The following SPRED2 variants were observed in gnomAD, a reference collection of about 807,000 sequenced individuals.
The protein encoded by SPRED2 is sprouty related EVH1 domain containing 2, also known as sprouty-related, EVH1 domain-containing protein 2.
In SPRED2, 47 loss-of-function variants were observed where a neutral mutation model predicts 43.0. That is an observed-to-expected ratio of 1.09 (90% CI 0.87 to 1.40). The LOEUF (loss-of-function observed/expected upper bound fraction) is 1.40. SPRED2 is among the 40% of genes most tolerant of loss of function. SPRED2 has a pLI of 0.00. For missense variants in SPRED2, 561 were observed against 586.4 expected, an observed-to-expected ratio of 0.96 and a Z score of 0.45; for synonymous variants, 225 against 225.7, an observed-to-expected ratio of 1.00 and a Z score of 0.03.
chr2:65,358,054 A>G lies in SPRED2; in HGVS notation c.27-13158T>C, dbSNP rs1674707745. ...CAAACTTAAGCCACTAAAATACCCT[A>G]CAAAAGCAGATCAGAAAACTTTCAG... On this transcript the variant is annotated intron_variant, in intron 1 of 5. Transcript: ENST00000356388. 2.7e-5 allele frequency among the ~76,000 whole-genome samples: 4 copies of G among 150,702 alleles called. No homozygotes were observed. The East Asian group carries it at 7.7e-4, about 29-fold the overall frequency.
intron 1 of SPRED2, among the ~76,000 whole-genome samples, chr2:65,348,676 C>T (rs867429995): frequency 5.9e-5 from 9 of 151,398 alleles, no homozygotes; most frequent in Non-Finnish European, 1.2e-4. Context: ...TGATGGTGGG[C>T]GCCTGTAATC....
At chr2:65,339,059 C>T (rs1463691901) in intron 2 of SPRED2, among the ~76,000 whole-genome samples, 23 of 132,230 alleles carry the variant, frequency 1.7e-4, no homozygotes, top group South Asian at 4.8e-4. Flanking sequence ...GGGGGCTCAG[C>T]CCCCCGCCGG....
intron 1 of SPRED2, among the ~76,000 whole-genome samples, chr2:65,405,915 A>C (rs1439780335): frequency 6.6e-6 from 1 of 151,908 alleles, no homozygotes; most frequent in Non-Finnish European, 1.5e-5. Flanking sequence ...GCACTCCATA[A>C]TTCAAACCTA....
At chr2:65,380,249 C>T (rs181621514) in intron 1 of SPRED2, among the ~76,000 whole-genome samples, 5 of 152,286 alleles carry the variant, frequency 3.3e-5, no homozygotes, top group Admixed American at 6.5e-5. Context: ...AAGACAAGGT[C>T]GACTCAGGTG....
chr2:65,318,740 C>T (rs1018451482), intron 4 of SPRED2, among the ~76,000 whole-genome samples: 1 of 151,504 alleles, frequency 6.6e-6, no homozygotes, highest in African/African-American at 2.4e-5. Context: ...GGCATGAACA[C>T]AGCTCAAGTG....
chr2:65,432,259 AG>A lies in SPRED2; in HGVS notation c.-273del. The A allele has an allele frequency of 2.5e-6, 1 of 407,770 alleles. No individual in the cohort carries two copies. The highest frequency in any genetic ancestry group is 4.4e-6 in the Non-Finnish European group (1 of 225,050). 25.3% of individuals were successfully genotyped at this position (407,770 alleles called of 1,614,324 possible). A position where few individuals can be genotyped will look rare whatever the true frequency, so the allele number is the denominator to read the frequency against. Reference sequence around the variant, plus strand: ...GCTCCGGGGGCTCGGGAGCGGGCAGAGGGGGCGAGATTTGGGAAGGGGACGG... The same window carrying A: ...GCTCCGGGGGCTCGGGAGCGGGCAGAGGGGCGAGATTTGGGAAGGGGACGG... On this transcript the variant is annotated 5_prime_UTR_variant, in exon 1 of 6. Transcript: ENST00000356388.
At chr2:65,314,905 C>T (rs751578366) in intron 5 of SPRED2, among the ~76,000 whole-genome samples, 4 of 152,200 alleles carry the variant, frequency 2.6e-5, no homozygotes, top group Admixed American at 1.3e-4. Flanking sequence ...GTGAAGGCTC[C>T]GGAAACTGAA....
chr2:65,329,748 G>A (rs950182530), intron 4 of SPRED2, among the ~76,000 whole-genome samples: 3 of 152,104 alleles, frequency 2.0e-5, no homozygotes, highest in African/African-American at 4.8e-5. Context: ...CTTTTAACCC[G>A]CCTGCTGTTG....
intron 1 of SPRED2, among the ~76,000 whole-genome samples, chr2:65,405,866 G>A (rs543877877): frequency 2.6e-5 from 4 of 151,946 alleles, no homozygotes; most frequent in African/African-American, 4.8e-5. Context: ...GAGAAGACCC[G>A]GACTTCTTTG....
chr2:65,344,356 T>C (rs1674277351), intron 2 of SPRED2: 1 of 343,822 alleles, frequency 2.9e-6, no homozygotes, highest in African/African-American at 2.1e-5. Context: ...GAATAAACTC[T>C]ACATTTTTAA....
intron 1 of SPRED2, among the ~76,000 whole-genome samples, chr2:65,406,314 A>C: frequency 6.6e-6 from 1 of 151,882 alleles, no homozygotes; most frequent in Non-Finnish European, 1.5e-5. Context: ...CAACTTTCCA[A>C]TCCTCCCACC....
At chr2:65,361,189 T>C (rs966041577) in intron 1 of SPRED2, among the ~76,000 whole-genome samples, 33 of 152,236 alleles carry the variant, frequency 2.2e-4, no homozygotes, top group African/African-American at 8.0e-4. Context: ...CATTCTTCTA[T>C]ACTATGAGGA....
intron 1 of SPRED2, among the ~76,000 whole-genome samples, chr2:65,410,652 G>A (rs565168373): frequency 1.3e-3 from 195 of 152,038 alleles, no homozygotes; most frequent in Non-Finnish European, 2.1e-3. Context: ...CCAGCTACTC[G>A]GGAGGCTGAG....
chr2:65,397,083 T>A (rs994152805), intron 1 of SPRED2, among the ~76,000 whole-genome samples: 4 of 151,872 alleles, frequency 2.6e-5, no homozygotes, highest in Non-Finnish European at 5.9e-5. Flanking sequence ...AAAAAAAAAA[T>A]TCAGTCATAG....
rs554761533 is a variant in SPRED2 at position 65,389,924 on chromosome 2, T to A, written c.26+42038A>T. On this transcript the variant is annotated intron_variant, in intron 1 of 5. Transcript: ENST00000356388. ...TTGTTGAAGAAGTGTTTAAAACAGG[T>A]AAGCAAAAACAATAAACCCACTACT... 6.9e-4 allele frequency among the ~76,000 whole-genome samples: 105 copies of A among 152,254 alleles called. No homozygotes were observed. In the South Asian group the frequency reaches 0.021, roughly 30 times the overall value.
At position 65,375,309 on chromosome 2, in the gene SPRED2, G is replaced by A. The variant is rs528415476; in HGVS notation, c.27-30413C>T. On this transcript the variant is annotated intron_variant, in intron 1 of 5. Transcript: ENST00000356388. Reference sequence around the variant, plus strand: ...GCACTGGAGGAAGAGGCGAAGGCTTGTATGCCGGTCTCAGGTAGCTGTGAC... The same window carrying A: ...GCACTGGAGGAAGAGGCGAAGGCTTATATGCCGGTCTCAGGTAGCTGTGAC... Among the ~76,000 whole-genome samples, 23 of 152,386 alleles carry A rather than the reference G, an allele frequency of 1.5e-4. 1 individual carries two copies. The South Asian group carries it at 4.8e-3, about 32-fold the overall frequency.
chr2:65,389,659 T>G (rs1404144939), intron 1 of SPRED2, among the ~76,000 whole-genome samples: 1 of 150,950 alleles, frequency 6.6e-6, no homozygotes, highest in Non-Finnish European at 1.5e-5. Flanking sequence ...CATTGTTCAA[T>G]TAATGTGACA....
At chr2:65,431,019 A>C (rs1053920244) in intron 1 of SPRED2, among the ~76,000 whole-genome samples, 2 of 151,744 alleles carry the variant, frequency 1.3e-5, no homozygotes, top group African/African-American at 4.8e-5. Context: ...GCCTCAGACC[A>C]GGGAGGGAAA....
intron 1 of SPRED2, among the ~76,000 whole-genome samples, chr2:65,430,033 T>C (rs1034631853): frequency 6.6e-6 from 1 of 151,854 alleles, no homozygotes; most frequent in African/African-American, 2.4e-5. Context: ...CAAGGTAGAG[T>C]GGTCAAACCT....
Sources: gnomAD v4.1 joint callset for allele counts (sites outside exome capture counted in the v4.1 genomes callset) on GRCh38, gnomAD v4.1.1 for gene constraint, MANE v1.5 for transcripts, NCBI Gene and HGNC (gene_info 2026-07-23, HGNC 2026-07-21) for gene names.